Variants in PALLD observed in about 807,000 individuals in gnomAD.
PALLD encodes the protein palladin, cytoskeletal associated protein, also known as palladin.
Under a neutral mutation model 123.5 loss-of-function variants are expected in PALLD, and 61 were observed. The observed-to-expected ratio is 0.49, with a 90% CI of 0.40 to 0.61. PALLD has a LOEUF of 0.61. Among genes scored for constraint, PALLD ranks in the 20% least tolerant of loss-of-function variants. The pLI, the probability that PALLD is intolerant of heterozygous loss-of-function variation, is 0.00. For synonymous variants in PALLD, 465 were observed against 496.4 expected, an observed-to-expected ratio of 0.94 and a Z score of 0.84; for missense variants, 1,273 against 1,377.0, an observed-to-expected ratio of 0.92 and a Z score of 1.20.
At chr4:168,607,100 A>T (rs1039150751) in intron 2 of PALLD, among the ~76,000 whole-genome samples, 1 of 152,208 alleles carries the variant, frequency 6.6e-6, no homozygotes, top group Non-Finnish European at 1.5e-5. Context: ...ATGGGAGTTG[A>T]CAGGGGAACA....
At chr4:168,858,152 C>A (rs1162059210) in intron 10 of PALLD, among the ~76,000 whole-genome samples, 2 of 152,258 alleles carry the variant, frequency 1.3e-5, no homozygotes, top group East Asian at 3.9e-4. Context: ...TGGAGGGGGG[C>A]CAGGTTCCCT....
intron 15 of PALLD, among the ~76,000 whole-genome samples, chr4:168,912,883 G>T (rs10009718): frequency 6.6e-6 from 1 of 151,764 alleles, no homozygotes; most frequent in Non-Finnish European, 1.5e-5. Flanking sequence ...CCACCACCCC[G>T]TCAAAATTTC....
intron 10 of PALLD, among the ~76,000 whole-genome samples, chr4:168,792,532 C>G (rs1425443198): frequency 6.6e-6 from 1 of 151,972 alleles, no homozygotes; most frequent in Non-Finnish European, 1.5e-5. Context: ...GTCCTCTCCA[C>G]TCCAAGAAGC....
chr4:168,758,783 A>G (rs1284281290), intron 10 of PALLD, among the ~76,000 whole-genome samples: 1 of 151,990 alleles, frequency 6.6e-6, no homozygotes. Context: ...CCACTTGTGC[A>G]TAGTTGAAAT....
At chr4:168,756,771 C>G (rs904585222) in intron 10 of PALLD, among the ~76,000 whole-genome samples, 8 of 152,158 alleles carry the variant, frequency 5.3e-5, no homozygotes, top group African/African-American at 1.9e-4. Flanking sequence ...ATGTTGGACT[C>G]AAGCTATAAA....
Position 168,928,268 on chromosome 4 carries a change from C to CTGATTT in PALLD, c.*2089_*2094dup, listed in dbSNP as rs1762806268. On this transcript the variant is annotated 3_prime_UTR_variant, in exon 22 of 22. Coordinates refer to ENST00000505667, the MANE Select transcript of PALLD (RefSeq NM_001166108.2). ...TTTTTCTGAATGTGACCTTTTTTTG[C>CTGATTT]TGATTTGCTGGGTTTGGGATTAACT... is the stretch of plus-strand genomic sequence containing the variant. 5.5e-6 allele frequency: 1 copy of CTGATTT among 182,080 alleles called. No homozygotes were observed. Among genetic ancestry groups the CTGATTT allele is most frequent in the Non-Finnish European group, 1.2e-5 (1 of 85,388 alleles). The allele number at this position is 182,080 out of a possible 1,614,324, so 11.3% of individuals were successfully genotyped here.
At chr4:168,512,580 C>A (rs1442450698) in intron 2 of PALLD, among the ~76,000 whole-genome samples, 168 bp downstream of exon 2, 1 of 152,112 alleles carries the variant, frequency 6.6e-6, no homozygotes, top group Non-Finnish European at 1.5e-5. Flanking sequence ...TCCTAGTTGT[C>A]CCTGGCCTGA....
Position 168,903,820 on chromosome 4 carries a change from G to A in PALLD, c.2536G>A (p.Asp846Asn), listed in dbSNP as rs757500640. Residue 846 changes from aspartate (D) to asparagine (N), a missense_variant, in exon 15 of 22, where the codon GAT becomes AAT. Physicochemically the swap from Asp to Asn is conservative, Grantham distance 23. Coordinates refer to ENST00000505667, the MANE Select transcript of PALLD (RefSeq NM_001166108.2). ...PKSDHYTIQR[D>N]LDGTCSLHTT... is the part of the protein sequence containing the mutation. ...GAGTGATCACTACACCATTCAAAGAGATCTCGATGGGACCTGCTCCCTCCA... is the reference window on the plus strand; with the variant it reads ...GAGTGATCACTACACCATTCAAAGAAATCTCGATGGGACCTGCTCCCTCCA... 6.8e-6 allele frequency: 11 copies of A among 1,612,500 alleles called. No individual in the cohort carries two copies. The South Asian group carries it at 1.2e-4, about 18-fold the overall frequency.
chr4:168,885,391 T>C (rs1300188145), intron 10 of PALLD: 7 of 152,164 alleles, frequency 4.6e-5, no homozygotes, highest in Non-Finnish European at 1.0e-4. Flanking sequence ...AAAATTGCAA[T>C]GATACAGAGA....
At chr4:168,588,426 CAG>C (rs1561278505) in intron 2 of PALLD, among the ~76,000 whole-genome samples, 2 of 151,382 alleles carry the variant, frequency 1.3e-5, no homozygotes, top group Non-Finnish European at 2.9e-5. Context: ...TTTTTTGAGA[CAG>C]AGTCTCACTC....
chr4:168,888,651 C>A (rs1270561224), intron 10 of PALLD, among the ~76,000 whole-genome samples: 4 of 152,178 alleles, frequency 2.6e-5, no homozygotes, highest in African/African-American at 4.8e-5. Context: ...GACTACCCCC[C>A]ACTCCTCCAG....
At chr4:168,794,414 T>TGCGCACACGCATGCGC (rs1418226898) in intron 10 of PALLD, among the ~76,000 whole-genome samples, 4 of 151,598 alleles carry the variant, frequency 2.6e-5, no homozygotes, top group Non-Finnish European at 5.9e-5. Flanking sequence ...ACAACACACA[T>TGCGCACACGCATGCGC]GCGCACACGC....
chr4:168,905,146 T>G lies in PALLD; in HGVS notation c.2622+1240T>G, dbSNP rs1366855077. Among the ~76,000 whole-genome samples, 182 of 127,530 alleles carry G rather than the reference T, an allele frequency of 1.4e-3. 38 individuals carry two copies. The highest frequency in any genetic ancestry group is 4.6e-3 in the African/African-American group (151 of 33,162). 83.7% of individuals were successfully genotyped at this position (127,530 alleles called of 152,430 possible). On this transcript the variant is annotated intron_variant, in intron 15 of 21. Coordinates refer to ENST00000505667, the MANE Select transcript of PALLD (RefSeq NM_001166108.2). Reference sequence around the variant, plus strand: ...TGTTTTTTGTTTTGTTGGTTTTTTTTTTTTTTTTTTTTTTTTTTTTTTGAG... The same window carrying G: ...TGTTTTTTGTTTTGTTGGTTTTTTTGTTTTTTTTTTTTTTTTTTTTTTGAG...
At chr4:168,852,667 TTAG>T (rs1479846476) in intron 10 of PALLD, among the ~76,000 whole-genome samples, 1 of 152,184 alleles carries the variant, frequency 6.6e-6, no homozygotes, top group Non-Finnish European at 1.5e-5. Flanking sequence ...ATCCACAAAG[TTAG>T]TAGTGCCTAC....
At chr4:168,534,963 A>G (rs577519432) in intron 2 of PALLD, among the ~76,000 whole-genome samples, 3 of 152,122 alleles carry the variant, frequency 2.0e-5, no homozygotes, top group East Asian at 3.9e-4. Context: ...AAAATATTTG[A>G]AAAAAAATGG....
At chr4:168,870,895 GT>G (rs2151079940) in intron 10 of PALLD, among the ~76,000 whole-genome samples, 1 of 152,324 alleles carries the variant, frequency 6.6e-6, no homozygotes, top group East Asian at 1.9e-4. Flanking sequence ...ATGCAATTGT[GT>G]GTTGCTGAAT....
intron 2 of PALLD, among the ~76,000 whole-genome samples, chr4:168,665,699 G>A (rs190595974): frequency 1.3e-5 from 2 of 152,142 alleles, no homozygotes; most frequent in East Asian, 1.9e-4. Context: ...GATCACCTAG[G>A]GGATCTGAAC....
intron 5 of PALLD, 39 bp downstream of exon 5, chr4:168,683,142 C>T (rs1781719116): frequency 8.8e-7 from 1 of 1,130,862 alleles, no homozygotes; most frequent in African/African-American, 1.5e-5. Context: ...AGGGGTCGAA[C>T]TCATCAGCAA....
chr4:168,499,972 A>G (rs1472930177), intron 1 of PALLD, among the ~76,000 whole-genome samples: 2 of 152,214 alleles, frequency 1.3e-5, no homozygotes, highest in Admixed American at 6.5e-5. Flanking sequence ...ATTTCCTATA[A>G]TATCTCCAAT....
Sources: allele counts gnomAD v4.1 joint callset (sites outside exome capture counted in the v4.1 genomes callset), GRCh38; gene constraint gnomAD v4.1.1; transcripts MANE v1.5; gene names NCBI Gene and HGNC (gene_info 2026-07-23, HGNC 2026-07-21).